The following LPAR1 variants were observed in gnomAD, a reference collection of about 807,000 sequenced individuals.
The protein encoded by LPAR1 is LPA receptor 1.
Under a neutral mutation model 23.8 loss-of-function variants are expected in LPAR1, and 5 were observed. That is an observed-to-expected ratio of 0.21 (90% CI 0.11 to 0.44). The LOEUF (loss-of-function observed/expected upper bound fraction) is 0.44. LPAR1 is among the 20% of genes least tolerant of loss of function. The pLI, the probability that LPAR1 is intolerant of heterozygous loss-of-function variation, is 0.99. For synonymous variants in LPAR1, 160 were observed against 164.7 expected (o/e 0.97, Z 0.22); for missense variants, 311 against 482.8 (o/e 0.64, Z 3.33).
intron 4 of LPAR1, among the ~76,000 whole-genome samples, chr9:110,965,018 A>T (rs2096159376): frequency 6.6e-6 from 1 of 151,884 alleles, no homozygotes; most frequent in African/African-American, 2.4e-5. Context: ...TTACAGGTGC[A>T]CGCCACCACA....
chr9:110,946,454 T>C (rs1289915178), intron 4 of LPAR1, among the ~76,000 whole-genome samples: 2 of 152,014 alleles, frequency 1.3e-5, no homozygotes, highest in Admixed American at 6.5e-5. Context: ...AGAAAAAAAA[T>C]AACAAGTCAA....
At chr9:110,915,105 C>T (rs1456026597) in intron 5 of LPAR1, among the ~76,000 whole-genome samples, 2 of 152,040 alleles carry the variant, frequency 1.3e-5, no homozygotes, top group Non-Finnish European at 2.9e-5. Context: ...TTTTAAACTC[C>T]CTGTATAATT....
At chr9:110,982,227 A>T (rs547732888) in intron 2 of LPAR1, among the ~76,000 whole-genome samples, 53 of 152,312 alleles carry the variant, frequency 3.5e-4, no homozygotes, top group African/African-American at 1.2e-3. Context: ...AACCAACCCA[A>T]ATGCACATCA....
At chr9:110,876,641 C>T (rs2079169078) in intron 5 of LPAR1, among the ~76,000 whole-genome samples, 1 of 152,176 alleles carries the variant, frequency 6.6e-6, no homozygotes, top group Admixed American at 6.5e-5. Flanking sequence ...GAAAATATTA[C>T]ATTTCTATAT....
At chr9:110,944,516 A>ATC (rs2095303912) in intron 4 of LPAR1, among the ~76,000 whole-genome samples, 1 of 152,204 alleles carries the variant, frequency 6.6e-6, no homozygotes, top group Non-Finnish European at 1.5e-5. Context: ...CCTTCTCTGA[A>ATC]TCAAGAAATG....
chr9:110,951,129 GTAA>G (rs1482179108), intron 4 of LPAR1, among the ~76,000 whole-genome samples: 1 of 152,178 alleles, frequency 6.6e-6, no homozygotes, highest in Non-Finnish European at 1.5e-5. Context: ...GTTCATTCAT[GTAA>G]TAATACTTAA....
chr9:110,955,599 G>A (rs11506888), intron 4 of LPAR1, among the ~76,000 whole-genome samples: 8,308 of 152,010 alleles, frequency 0.055, 296 homozygotes, highest in Non-Finnish European at 0.082. Flanking sequence ...TCATCCAACT[G>A]CTATAGAATA....
intron 2 of LPAR1, among the ~76,000 whole-genome samples, chr9:111,033,821 G>A (rs2097845802): frequency 6.6e-6 from 1 of 152,202 alleles, no homozygotes; most frequent in African/African-American, 2.4e-5. Context: ...CCAAAGTGCT[G>A]GGATTACAGG....
At chr9:110,970,354 C>T (rs2096376280) in intron 4 of LPAR1, among the ~76,000 whole-genome samples, 1 of 152,046 alleles carries the variant, frequency 6.6e-6, no homozygotes, top group Non-Finnish European at 1.5e-5. Flanking sequence ...ATCTCTTTGC[C>T]CATTCTCCAA....
chr9:111,018,484 A>T (rs1200285348), intron 2 of LPAR1, among the ~76,000 whole-genome samples: 3 of 152,244 alleles, frequency 2.0e-5, no homozygotes, highest in Non-Finnish European at 4.4e-5. Context: ...GCTGAATGGA[A>T]TTAACATCAC....
At chr9:111,006,323 C>T (rs557368033) in intron 2 of LPAR1, among the ~76,000 whole-genome samples, 2 of 152,348 alleles carry the variant, frequency 1.3e-5, no homozygotes, top group South Asian at 4.1e-4. Context: ...CAATCCCACA[C>T]ATTCCATTCC....
intron 5 of LPAR1, among the ~76,000 whole-genome samples, chr9:110,915,801 C>T (rs138067374): frequency 3.9e-5 from 6 of 152,198 alleles, no homozygotes; most frequent in East Asian, 3.9e-4. Context: ...TTTTTCCATA[C>T]GTTATCATCA....
At chr9:111,030,376 T>C (rs534423941) in intron 2 of LPAR1, among the ~76,000 whole-genome samples, 1 of 152,236 alleles carries the variant, frequency 6.6e-6, no homozygotes, top group Non-Finnish European at 1.5e-5. Context: ...AAAAGGCAAT[T>C]CTGTTTCAGT....
chr9:110,917,919 T>C (rs943487288), intron 5 of LPAR1, among the ~76,000 whole-genome samples: 2 of 152,200 alleles, frequency 1.3e-5, no homozygotes, highest in African/African-American at 4.8e-5. Flanking sequence ...ATACTTTGTT[T>C]TGAGACTGGG....
At chr9:111,018,191 C>T (rs1417468235) in intron 2 of LPAR1, among the ~76,000 whole-genome samples, 7 of 152,174 alleles carry the variant, frequency 4.6e-5, no homozygotes, top group Non-Finnish European at 1.0e-4. Flanking sequence ...TCAATGTCAT[C>T]CAGGACAGAT....
intron 5 of LPAR1, among the ~76,000 whole-genome samples, chr9:110,897,035 C>T (rs567368157): frequency 7.2e-5 from 11 of 152,222 alleles, no homozygotes; most frequent in Non-Finnish European, 1.3e-4. Context: ...GATCTGCCCA[C>T]CTCGGCCTCC....
chr9:110,985,772 C>T (rs974146456), intron 2 of LPAR1, among the ~76,000 whole-genome samples: 1 of 152,036 alleles, frequency 6.6e-6, no homozygotes, highest in African/African-American at 2.4e-5. Flanking sequence ...ATAAGTGTCA[C>T]TATGAAGGCA....
At chr9:110,888,565 GA>G (rs35200514) in intron 5 of LPAR1, among the ~76,000 whole-genome samples, 1,875 of 128,248 alleles carry the variant, frequency 0.015, 19 homozygotes, top group South Asian at 0.025. Context: ...GAACCCAGCA[GA>G]AAAAAAAAAA....
chr9:111,014,251 A>G (rs1167310755), intron 2 of LPAR1, among the ~76,000 whole-genome samples: 1 of 152,172 alleles, frequency 6.6e-6, no homozygotes, highest in Non-Finnish European at 1.5e-5. Context: ...GGAAAACTTA[A>G]GGACAAGGTA....
Sources: gnomAD v4.1 joint callset for allele counts (sites outside exome capture counted in the v4.1 genomes callset) on GRCh38, gnomAD v4.1.1 for gene constraint, MANE v1.5 for transcripts, NCBI Gene and HGNC (gene_info 2026-07-23, HGNC 2026-07-21) for gene names.